PTPN14: variants seen among roughly 807,000 people sequenced by gnomAD.
The protein encoded by PTPN14 is protein tyrosine phosphatase non-receptor type 14, also known as tyrosine-protein phosphatase non-receptor type 14.
In PTPN14, 53 loss-of-function variants were observed where a neutral mutation model predicts 126.8. That is an observed-to-expected ratio of 0.42 (90% CI 0.34 to 0.53). The LOEUF is 0.53. Ranked by LOEUF, PTPN14 falls within the 20% of genes least tolerant of loss-of-function variation. PTPN14 has a pLI of 0.08. For synonymous variants in PTPN14, 630 were observed against 599.3 expected (o/e 1.05, Z -0.75); for missense variants, 1,257 against 1,552.9 (o/e 0.81, Z 3.20).
At chr1:214,490,133 T>C (rs1382137985) in intron 1 of PTPN14, among the ~76,000 whole-genome samples, 1 of 152,218 alleles carries the variant, frequency 6.6e-6, no homozygotes, top group African/African-American at 2.4e-5. Flanking sequence ...TCACTCCTCT[T>C]ACAATGAGGC....
chr1:214,370,018 C>T (rs1044718977), intron 16 of PTPN14, among the ~76,000 whole-genome samples: 27 of 152,350 alleles, frequency 1.8e-4, no homozygotes, highest in African/African-American at 4.8e-4. Flanking sequence ...TGGCGGCTCA[C>T]GCCTGTAATC....
intron 1 of PTPN14, among the ~76,000 whole-genome samples, chr1:214,535,271 T>C (rs912122978): frequency 6.6e-6 from 1 of 152,204 alleles, no homozygotes; most frequent in South Asian, 2.1e-4. Flanking sequence ...TCAACAATTC[T>C]GTACATACCA....
chr1:214,487,052 A>G (rs564694147), intron 1 of PTPN14, among the ~76,000 whole-genome samples: 1 of 152,286 alleles, frequency 6.6e-6, no homozygotes, highest in South Asian at 2.1e-4. Flanking sequence ...GTATGCTTTT[A>G]TATTTTCACA....
intron 3 of PTPN14, among the ~76,000 whole-genome samples, chr1:214,424,359 A>C (rs926459394): frequency 6.6e-6 from 1 of 152,136 alleles, no homozygotes; most frequent in African/African-American, 2.4e-5. Context: ...AAACACAGAC[A>C]TAACAAACAA....
At chr1:214,413,876 C>T (rs1239808018) in intron 4 of PTPN14, among the ~76,000 whole-genome samples, 1 of 151,974 alleles carries the variant, frequency 6.6e-6, no homozygotes, top group Non-Finnish European at 1.5e-5. Context: ...ACCATGTTGG[C>T]CAGGCTGGTC....
At chr1:214,428,702 A>G (rs1344499338) in intron 3 of PTPN14, among the ~76,000 whole-genome samples, 1 of 152,230 alleles carries the variant, frequency 6.6e-6, no homozygotes, top group Admixed American at 6.5e-5. Context: ...GAATAAGTGG[A>G]CAGGTGGTAG....
intron 15 of PTPN14, 120 bp downstream of exon 15, chr1:214,376,099 C>T: frequency 1.1e-6 from 1 of 884,822 alleles, no homozygotes. Context: ...AAAAACAATC[C>T]CTGAGGGTCT....
rs756858196 is a variant in PTPN14, at chr1:214,383,927, A to G, written c.1928T>C (p.Leu643Pro). Residue 643 changes from leucine (L) to proline (P), a missense_variant, in exon 13 of 19, where the codon CTG (leucine) becomes CCG (proline). Leu to Pro is a moderately conservative substitution (Grantham distance 98). This residue lies in a region of PTPN14 where 1,021 missense variants were observed against 1,183.3 expected (regional missense o/e 0.86). Transcript: ENST00000366956. The surrounding 1 kb of genome is among the most constrained non-coding windows in gnomAD (Gnocchi z 4.4). ...HHGTVNKRHS[L>P]EVMNSMVRGM... ...CCGCACCATGCTGTTCATCACCTCC[A>G]GGCTGTGGCGCTTGTTCACAGTGCC... 2 of 1,613,328 alleles carry G rather than the reference A, an allele frequency of 1.2e-6. No individual in the cohort carries two copies. The highest frequency in any genetic ancestry group is 1.7e-6 in the Non-Finnish European group (2 of 1,179,992).
Position 214,397,946 on chromosome 1 carries a change from C to T in PTPN14, c.725G>A (p.Arg242Lys). 1 of 1,612,948 alleles carries T rather than the reference C, an allele frequency of 6.2e-7. No individual in the cohort carries two copies. ...TACCGCTTGTCTTCCAATTCTGTTC[C>T]TCACGAAAATCCCCATAAAGAAAAT... ...LGIFFMGIFV[R>K]NRIGRQAVIY... The change falls in exon 8 of 19, where the codon AGG becomes AAG. Residue 242 changes from arginine to lysine, a missense_variant. Coordinates refer to ENST00000366956, the MANE Select transcript of PTPN14 (RefSeq NM_005401.5).
At chr1:214,521,597 C>A (rs1655256481) in intron 1 of PTPN14, among the ~76,000 whole-genome samples, 1 of 152,014 alleles carries the variant, frequency 6.6e-6, no homozygotes, top group African/African-American at 2.4e-5. Context: ...TGCCTGTAAT[C>A]CCAGCTACTC....
At chr1:214,472,073 C>T (rs1340003873) in intron 1 of PTPN14, among the ~76,000 whole-genome samples, 4 of 152,192 alleles carry the variant, frequency 2.6e-5, no homozygotes, top group East Asian at 3.8e-4. Context: ...GCTTTGTAAC[C>T]TTCTATAATC....
chr1:214,532,129 G>A (rs762693107), intron 1 of PTPN14: 5 of 243,640 alleles, frequency 2.1e-5, no homozygotes, highest in Non-Finnish European at 4.1e-5. Flanking sequence ...ATGTATTGAA[G>A]TAGTAGTATA....
intron 1 of PTPN14, among the ~76,000 whole-genome samples, chr1:214,499,981 G>A (rs973774030): frequency 4.0e-5 from 6 of 151,712 alleles, no homozygotes; most frequent in South Asian, 2.1e-4. Flanking sequence ...CTTCCAGAGC[G>A]TTTCAGTAAC....
At chr1:214,466,543 C>G (rs1660643448) in intron 1 of PTPN14, among the ~76,000 whole-genome samples, 1 of 152,152 alleles carries the variant, frequency 6.6e-6, no homozygotes, top group Non-Finnish European at 1.5e-5. Context: ...AATAAAATAA[C>G]AACAAAAGTG....
intron 1 of PTPN14, among the ~76,000 whole-genome samples, chr1:214,513,390 C>T (rs577429284): frequency 1.6e-4 from 24 of 152,008 alleles, no homozygotes; most frequent in African/African-American, 5.8e-4. Flanking sequence ...AACATGTTGC[C>T]ACCATTTAAA....
intron 1 of PTPN14, among the ~76,000 whole-genome samples, chr1:214,472,975 A>G (rs1246584135): frequency 1.3e-5 from 2 of 152,216 alleles, no homozygotes; most frequent in Non-Finnish European, 2.9e-5. Flanking sequence ...CACATCTTAA[A>G]GGTCTTTTAT....
intron 11 of PTPN14, among the ~76,000 whole-genome samples, chr1:214,388,452 G>C (rs932061396): frequency 6.6e-6 from 1 of 151,732 alleles, no homozygotes; most frequent in South Asian, 2.1e-4. Context: ...TATTGCCCAG[G>C]CTGGAGTGCA....
chr1:214,412,258 C>T (rs1158692599), intron 4 of PTPN14, among the ~76,000 whole-genome samples: 1 of 152,190 alleles, frequency 6.6e-6, no homozygotes, highest in East Asian at 1.9e-4. Context: ...ATTCTGTTTT[C>T]CCTGTTTTCA....
intron 1 of PTPN14, among the ~76,000 whole-genome samples, chr1:214,481,511 CAAAAA>C (rs371949252): frequency 5.9e-5 from 4 of 67,456 alleles, no homozygotes; most frequent in African/African-American, 2.1e-4. Flanking sequence ...AACTCCCGCT[CAAAAA>C]AAAAAAAAAA....
Sources: allele counts gnomAD v4.1 joint callset (sites outside exome capture counted in the v4.1 genomes callset), GRCh38; gene constraint gnomAD v4.1.1; regional missense constraint gnomAD v4.1.1; non-coding constraint Gnocchi (gnomAD v3.1); transcripts MANE v1.5; gene names NCBI Gene and HGNC (gene_info 2026-07-23, HGNC 2026-07-21).